MAP1A: variants seen among roughly 807,000 people sequenced by gnomAD.
MAP1A encodes microtubule-associated protein 1A.
Under a neutral mutation model 185.9 loss-of-function variants are expected in MAP1A, and 42 were observed. That is an observed-to-expected ratio of 0.23 (90% confidence interval 0.18 to 0.29). The LOEUF (loss-of-function observed/expected upper bound fraction) is 0.29. MAP1A is among the 10% of genes least tolerant of loss of function. The probability of loss-of-function intolerance (pLI) is 1.00; values close to 1 mark genes in which losing one functional copy is unlikely to be tolerated. For missense variants in MAP1A, 2,995 were observed against 3,450.4 expected (o/e 0.87, Z 3.31); for synonymous variants, 1,229 against 1,335.9 (o/e 0.92, Z 1.74).
intron 1 of MAP1A, among the ~76,000 whole-genome samples, chr15:43,511,903 G>A (rs1022008278): frequency 6.6e-6 from 1 of 152,154 alleles, no homozygotes; most frequent in African/African-American, 2.4e-5. Flanking sequence ...ACCACAACTG[G>A]GGAACCTTAC....
Position 43,517,612 on chromosome 15 carries a change from C to T in MAP1A, c.-463C>T. The T allele has an allele frequency of 1.6e-5, 14 of 875,630 alleles. 1 individual carries two copies. Among genetic ancestry groups the T allele is most frequent in the Non-Finnish European group, 1.8e-5 (13 of 730,430 alleles). 54.2% of individuals were successfully genotyped at this position (875,630 alleles called of 1,614,324 possible). On this transcript the variant is annotated 5_prime_UTR_variant, in exon 1 of 6. Transcript: ENST00000300231. ...CCCCCCCCCACCGCCCGCCCCACTCCCACCCTAAGTGCTGCAGACTCTTCC... is the reference window on the plus strand; with the variant it reads ...CCCCCCCCCACCGCCCGCCCCACTCTCACCCTAAGTGCTGCAGACTCTTCC...
At chr15:43,520,604 C>G in intron 1 of MAP1A, 37 bp from the exon 2 acceptor site, 1 of 1,284,806 alleles carries the variant, frequency 7.8e-7, no homozygotes, top group Non-Finnish European at 1.1e-6. Flanking sequence ...AATTTCTATA[C>G]CTATTCTCAA....
chr15:43,519,342 TG>T (rs933699692), intron 1 of MAP1A, among the ~76,000 whole-genome samples: 27 of 152,330 alleles, frequency 1.8e-4, no homozygotes, highest in African/African-American at 6.5e-4. Flanking sequence ...CCCCCACAGC[TG>T]CATCTGCAGC....
In MAP1A at chr15:43,526,843, C is replaced by T. The variant is rs1294293340; in HGVS notation, c.5370C>T (p.Arg1790=). The change falls in exon 4 of 6, where the codon CGC becomes CGT. Residue 1790 remains arginine (R), a synonymous_variant. Coordinates refer to ENST00000300231, the MANE Select transcript of MAP1A (RefSeq NM_002373.6). The surrounding 1 kb of genome is among the most constrained non-coding windows in gnomAD (Gnocchi z 4.7). ...CAGAGGAAGAGGACAAACTGACCCG[C>T]TCTCCCTTTGAGATCATCTCCCCTC... ...LPPEEEDKLT[R]SPFEIISPPA... 6.2e-7 allele frequency: 1 copy of T among 1,614,038 alleles called. No individual in the cohort carries two copies. Among genetic ancestry groups the T allele is most frequent in the East Asian group, 2.2e-5 (1 of 44,892 alleles).
In MAP1A at chr15:43,528,921, G is replaced by A; in HGVS notation, c.7448G>A (p.Gly2483Glu). The A allele has an allele frequency of 4.3e-6, 7 of 1,613,016 alleles. No homozygotes were observed. Among genetic ancestry groups the A allele is most frequent in the South Asian group, 1.1e-5 (1 of 91,086 alleles). The change falls in exon 4 of 6, where the codon GGG becomes GAG. Residue 2483 changes from glycine (G) to glutamate (E), a missense_variant. Around this residue, in one of 3 missense-constraint regions of MAP1A, gnomAD observed 2,728 missense variants for 2,986.0 expected, o/e 0.91. Transcript: ENST00000300231. ...LVGRGGRRRV[G>E]GPGTTGGPCP... is the part of the protein sequence containing the mutation. ...GGAAGAGGGGGGCGGCGCCGGGTAG[G>A]GGGGCCAGGGACCACTGGGGGCCCA...
upstream of MAP1A, among the ~76,000 whole-genome samples, chr15:43,515,553 A>G (rs1377535763): frequency 2.0e-5 from 3 of 152,198 alleles, no homozygotes; most frequent in African/African-American, 7.2e-5. Flanking sequence ...AATCTTCCAC[A>G]AAAGGGAGAA....
Position 43,528,905 on chromosome 15 carries a change from G to T in MAP1A, c.7432G>T (p.Gly2478Trp), listed in dbSNP as rs1399618210. Residue 2478 changes from glycine (G) to tryptophan (W), a missense_variant, in exon 4 of 6, where the codon GGG becomes TGG. Physicochemically the swap from Gly to Trp is radical, Grantham distance 184 (BLOSUM62 -2). Transcript: ENST00000300231. ...GGAAGTTCGGCTAGTAGGAAGAGGG[G>T]GGCGGCGCCGGGTAGGGGGGCCAGG... ...TEEVRLVGRG[G>W]RRRVGGPGTT... is the part of the protein sequence containing the mutation. 1 of 1,612,966 alleles carries T rather than the reference G, an allele frequency of 6.2e-7. No homozygotes were observed. Among genetic ancestry groups the T allele is most frequent in the Admixed American group, 1.7e-5 (1 of 60,002 alleles).
In MAP1A at chr15:43,523,198, A is replaced by C. The variant is rs2079327058; in HGVS notation, c.1725A>C (p.Gly575=). 8 of 1,614,032 alleles carry C rather than the reference A, an allele frequency of 5.0e-6. No individual in the cohort carries two copies. Among genetic ancestry groups the C allele is most frequent in the Non-Finnish European group, 6.8e-6 (8 of 1,180,032 alleles). Residue 575 remains glycine, a synonymous_variant, in exon 4 of 6, where the codon GGA becomes GGC. Transcript: ENST00000300231. ...EEGPPSTAIQ[G]TPPSVPGLGQ... Reference sequence around the variant, plus strand: ...GACCCCCAAGTACAGCTATCCAGGGAACACCACCCTCTGTTCCAGGGCTGG... The same window carrying C: ...GACCCCCAAGTACAGCTATCCAGGGCACACCACCCTCTGTTCCAGGGCTGG...
At position 43,527,338 on chromosome 15, in the gene MAP1A, G is replaced by T; in HGVS notation, c.5865G>T (p.Glu1955Asp). 6.2e-7 allele frequency: 1 copy of T among 1,613,986 alleles called. No individual in the cohort carries two copies. The highest frequency in any genetic ancestry group is 8.5e-7 in the Non-Finnish European group (1 of 1,180,008). ...EPEQTEPEQR[E>D]PTPYPDERSF... is the part of the protein sequence containing the mutation. ...AGCAGACTGAGCCGGAGCAGAGAGA[G>T]CCCACACCCTATCCTGATGAGAGAA... Residue 1955 changes from glutamate to aspartate, a missense_variant, in exon 4 of 6, where the codon GAG becomes GAT. Coordinates refer to ENST00000300231, the MANE Select transcript of MAP1A (RefSeq NM_002373.6).
chr15:43,519,563 A>G (rs2079311654), intron 1 of MAP1A, among the ~76,000 whole-genome samples: 1 of 152,144 alleles, frequency 6.6e-6, no homozygotes, highest in African/African-American at 2.4e-5. Flanking sequence ...TAATGCCACT[A>G]TGTACTGCAA....
chr15:43,516,732 C>T (rs1735669245), upstream of MAP1A, among the ~76,000 whole-genome samples: 1 of 152,210 alleles, frequency 6.6e-6, no homozygotes, highest in African/African-American at 2.4e-5. Context: ...AATCACCCTA[C>T]AAAGTCATTA....
Position 43,527,171 on chromosome 15 carries a change from G to T in MAP1A, c.5698G>T (p.Gly1900Trp). ...GGAGGGGGCAGCTGAGTTGGAAGGT[G>T]GGCCATACTCCCCCCTGGGGAAGGA... ...VQEGAAELEG[G>W]PYSPLGKDYR... The change falls in exon 4 of 6, where the codon GGG becomes TGG. Residue 1900 changes from glycine (G) to tryptophan (W), a missense_variant. Gly to Trp is a radical substitution (Grantham distance 184). Around this residue, in one of 3 missense-constraint regions of MAP1A, gnomAD observed 2,728 missense variants for 2,986.0 expected, o/e 0.91. Coordinates refer to ENST00000300231, the MANE Select transcript of MAP1A (RefSeq NM_002373.6). 1.2e-6 allele frequency: 2 copies of T among 1,613,798 alleles called. No homozygotes were observed. The highest frequency in any genetic ancestry group is 1.7e-6 in the Non-Finnish European group (2 of 1,179,920).
rs745783861 is a variant in MAP1A, at chr15:43,529,710, C to A, written c.8096C>A (p.Pro2699Gln). The change falls in exon 5 of 6, where the codon CCG becomes CAG. Residue 2699 changes from proline (P) to glutamine (Q), a missense_variant. Physicochemically the swap from Pro to Gln is moderately conservative, Grantham distance 76. Around this residue, in one of 3 missense-constraint regions of MAP1A, gnomAD observed 2,728 missense variants for 2,986.0 expected, o/e 0.91. Transcript: ENST00000300231. This position sits in a 1 kb window ranked among gnomAD's most constrained non-coding sequence, Gnocchi z 4.3. ...GTATATGTGGATCTCGCCTACATCC[C>A]GAATCATTGCAGTGGCAAGACTGCT... ...APVYVDLAYI[P>Q]NHCSGKTADL... The A allele has an allele frequency of 3.1e-6, 5 of 1,613,906 alleles. No individual in the cohort carries two copies. Among genetic ancestry groups the A allele is most frequent in the Non-Finnish European group, 4.2e-6 (5 of 1,180,004 alleles).
At position 43,526,962 on chromosome 15, in the gene MAP1A, A is replaced by G. The variant is rs2079346893; in HGVS notation, c.5489A>G (p.Lys1830Arg). 3 of 1,613,624 alleles carry G rather than the reference A, an allele frequency of 1.9e-6. No homozygotes were observed. The highest frequency in any genetic ancestry group is 2.5e-6 in the Non-Finnish European group (3 of 1,179,766). ...IPDPKLMPHM[K>R]NEPTTPSWLA... ...GACCCTAAGCTCATGCCACACATGAAGAATGAACCCACTACTCCCTCATGG... is the reference window on the plus strand; with the variant it reads ...GACCCTAAGCTCATGCCACACATGAGGAATGAACCCACTACTCCCTCATGG... Residue 1830 changes from lysine (K) to arginine (R), a missense_variant, in exon 4 of 6, where the codon AAG becomes AGG. This residue lies in a region of MAP1A where 2,728 missense variants were observed against 2,986.0 expected (regional missense o/e 0.91). Coordinates refer to ENST00000300231, the MANE Select transcript of MAP1A (RefSeq NM_002373.6). This position sits in a 1 kb window ranked among gnomAD's most constrained non-coding sequence, Gnocchi z 4.7.
chr15:43,511,324 T>G, intron 1 of MAP1A: 1 of 906,664 alleles, frequency 1.1e-6, no homozygotes, highest in Non-Finnish European at 1.7e-6. Context: ...TCTCCATCCC[T>G]AGTGTGCACT....
At position 43,530,242 on chromosome 15, in the gene MAP1A, C is replaced by T; in HGVS notation, c.*18C>T. On this transcript the variant is annotated 3_prime_UTR_variant, in exon 6 of 6. Coordinates refer to ENST00000300231, the MANE Select transcript of MAP1A (RefSeq NM_002373.6). ...AGTTCTGAAAGAGCCGCCCTCCCTT[C>T]CCCAAGGATCCACTCCCCCAGCTCC... 1 of 1,613,180 alleles carries T rather than the reference C, an allele frequency of 6.2e-7. No homozygotes were observed. The highest frequency in any genetic ancestry group is 1.3e-5 in the African/African-American group (1 of 75,040).
Position 43,525,370 on chromosome 15 carries a change from A to G in MAP1A, c.3897A>G (p.Ser1299=). ...PASSFSHSTP[S]GNGKYLPGAI... ...GCTCATTCTCTCACTCTACACCTTC[A>G]GGAAATGGGAAGTACTTACCTGGGG... Residue 1299 remains serine, a synonymous_variant, in exon 4 of 6, where the codon TCA becomes TCG. Coordinates refer to ENST00000300231, the MANE Select transcript of MAP1A (RefSeq NM_002373.6). 1.2e-6 allele frequency: 2 copies of G among 1,614,084 alleles called. No homozygotes were observed. The highest frequency in any genetic ancestry group is 1.7e-6 in the Non-Finnish European group (2 of 1,180,044).
chr15:43,512,315 G>A, intron 2 of MAP1A: 1 of 1,470,712 alleles, frequency 6.8e-7, no homozygotes. Context: ...TTTTATTTCA[G>A]TCCTTTGGGT....
chr15:43,529,310 G>T lies in MAP1A; in HGVS notation c.7837G>T (p.Ala2613Ser), dbSNP rs767118301. The T allele has an allele frequency of 3.1e-6, 5 of 1,613,990 alleles. No homozygotes were observed. The highest frequency in any genetic ancestry group is 1.1e-5 in the South Asian group (1 of 91,086). The change falls in exon 4 of 6, where the codon GCC (alanine) becomes TCC (serine). Residue 2613 changes from alanine (A) to serine (S), a missense_variant. Ala to Ser is a moderately conservative substitution (Grantham distance 99). Around this residue, in one of 3 missense-constraint regions of MAP1A, gnomAD observed 2,728 missense variants for 2,986.0 expected, o/e 0.91. Transcript: ENST00000300231. This position sits in a 1 kb window ranked among gnomAD's most constrained non-coding sequence, Gnocchi z 4.3. ...AGTAGGGCGCAGGGCCCCAGGCAAG[G>T]CCAAGCCAGCGTCCCCTGCACGGCG... Reference protein sequence around the residue: ...GRVGRRAPGKAKPASPARRLD... With the variant: ...GRVGRRAPGKSKPASPARRLD...
Sources: allele counts gnomAD v4.1 joint callset (sites outside exome capture counted in the v4.1 genomes callset), GRCh38; gene constraint gnomAD v4.1.1; regional missense constraint gnomAD v4.1.1; non-coding constraint Gnocchi (gnomAD v3.1); transcripts MANE v1.5; gene names NCBI Gene and HGNC (gene_info 2026-07-23, HGNC 2026-07-21).